SUPT3H: variants seen among roughly 807,000 people sequenced by gnomAD.
SUPT3H encodes the protein SPT3 homolog, SAGA and STAGA complex component.
In SUPT3H, 44 loss-of-function variants were observed where a neutral mutation model predicts 44.3. The observed-to-expected ratio is 0.99, with a 90% CI of 0.78 to 1.28. The LOEUF (loss-of-function observed/expected upper bound fraction) is 1.28, where lower values mean the gene tolerates loss of function less well. Ranked by LOEUF, SUPT3H falls within the 50% of genes most tolerant of loss-of-function variation. The pLI is 0.00. For missense variants in SUPT3H, 380 were observed against 387.1 expected, an observed-to-expected ratio of 0.98 and a Z score of 0.15; for synonymous variants, 124 against 125.6, an observed-to-expected ratio of 0.99 and a Z score of 0.09.
intron 2 of SUPT3H, among the ~76,000 whole-genome samples, chr6:45,232,810 C>A (rs1768307572): frequency 6.6e-6 from 1 of 152,176 alleles, no homozygotes; most frequent in Non-Finnish European, 1.5e-5. Flanking sequence ...CCTTCACACA[C>A]AAACTGAAGA....
chr6:45,090,985 A>C (rs1797059709), intron 3 of SUPT3H, among the ~76,000 whole-genome samples: 1 of 151,980 alleles, frequency 6.6e-6, no homozygotes, highest in Admixed American at 6.5e-5. Flanking sequence ...CTTAAAGCTT[A>C]TTACCAAAGC....
intron 10 of SUPT3H, among the ~76,000 whole-genome samples, chr6:44,891,079 G>A (rs1033958512): frequency 6.6e-6 from 1 of 152,018 alleles, no homozygotes; most frequent in Admixed American, 6.6e-5. Flanking sequence ...GTATACCTAT[G>A]TAACAAACCT....
intron 3 of SUPT3H, among the ~76,000 whole-genome samples, chr6:45,073,111 T>C (rs1032388376): frequency 1.2e-4 from 18 of 152,108 alleles, no homozygotes; most frequent in African/African-American, 4.3e-4. Flanking sequence ...AAGATTTTGG[T>C]TGATACTTTG....
At chr6:44,880,513 T>C (rs902452662) in intron 10 of SUPT3H, among the ~76,000 whole-genome samples, 1 of 152,110 alleles carries the variant, frequency 6.6e-6, no homozygotes, top group Non-Finnish European at 1.5e-5. Context: ...TGCAGGATAT[T>C]ATCCAGGAGA....
Position 45,162,225 on chromosome 6 carries a change from AAAG to A in SUPT3H, c.102-56222_102-56220del, listed in dbSNP as rs139564646. ...TACAAATTAATGAGACTCATTAAAA[AAAG>A]AAGAAGAAGAAGAAGAAAGAGCCAG... On this transcript the variant is annotated intron_variant, in intron 2 of 10. Coordinates refer to ENST00000371459, the MANE Select transcript of SUPT3H (RefSeq NM_003599.4). 6.8e-3 allele frequency among the ~76,000 whole-genome samples: 1,040 copies of A among 152,058 alleles called. 18 individuals are homozygous for A. The highest frequency in any genetic ancestry group is 0.023 in the African/African-American group (967 of 41,472).
At chr6:45,086,895 G>A (rs1796538175) in intron 3 of SUPT3H, among the ~76,000 whole-genome samples, 2 of 151,740 alleles carry the variant, frequency 1.3e-5, no homozygotes, top group African/African-American at 2.4e-5. Context: ...TGTAAGAAAC[G>A]GAAAAATATT....
chr6:45,251,335 T>G (rs1328804785), intron 2 of SUPT3H, among the ~76,000 whole-genome samples: 1 of 151,938 alleles, frequency 6.6e-6, no homozygotes, highest in African/African-American at 2.4e-5. Flanking sequence ...TAAATTATGT[T>G]TCTCTAAAAC....
At chr6:44,916,037 G>C (rs181259122) in intron 10 of SUPT3H, among the ~76,000 whole-genome samples, 2 of 152,226 alleles carry the variant, frequency 1.3e-5, no homozygotes, top group East Asian at 3.9e-4. Context: ...TGTTATTGCT[G>C]AACAATTTTG....
chr6:44,812,916 C>G lies in SUPT3H; in HGVS notation c.*53-3415G>C, dbSNP rs555709130. Among the ~76,000 whole-genome samples the G allele has an allele frequency of 3.3e-5, 5 of 152,242 alleles. No individual in the cohort carries two copies. In the East Asian group the frequency reaches 9.7e-4, roughly 29 times the overall value. On this transcript the variant is annotated intron_variant and NMD_transcript_variant, in intron 11 of 11. Transcript: ENST00000475057. ...TGCAATTTCCCCTTGAAGCATATGT[C>G]AACTCCAAAGCTGTACATATGGTGG...
At chr6:44,866,917 C>T (rs1775596293) in intron 10 of SUPT3H, among the ~76,000 whole-genome samples, 1 of 152,142 alleles carries the variant, frequency 6.6e-6, no homozygotes, top group South Asian at 2.1e-4. Context: ...TTAGTAAAGA[C>T]ATATTCCATA....
intron 10 of SUPT3H, among the ~76,000 whole-genome samples, chr6:44,928,342 A>G (rs1015948102): frequency 1.3e-5 from 2 of 152,188 alleles, no homozygotes; most frequent in Non-Finnish European, 2.9e-5. Context: ...AAGAAAAACA[A>G]ACAAGAAGCA....
At chr6:45,023,775 AGAG>A (rs1785519579) in intron 3 of SUPT3H, among the ~76,000 whole-genome samples, 1 of 152,166 alleles carries the variant, frequency 6.6e-6, no homozygotes, top group East Asian at 1.9e-4. Flanking sequence ...GGAAGGAGGG[AGAG>A]GAGAAGAAAG....
chr6:44,912,465 G>A (rs529349457), intron 10 of SUPT3H, among the ~76,000 whole-genome samples: 2 of 152,204 alleles, frequency 1.3e-5, no homozygotes, highest in East Asian at 1.9e-4. Context: ...ACTATGTTTT[G>A]CATCCCCATT....
At chr6:45,049,708 G>A (rs1039759948) in intron 3 of SUPT3H, among the ~76,000 whole-genome samples, 2 of 151,948 alleles carry the variant, frequency 1.3e-5, no homozygotes, top group Non-Finnish European at 2.9e-5. Flanking sequence ...GAAAGAAAAC[G>A]AAAACAAACA....
intron 10 of SUPT3H, among the ~76,000 whole-genome samples, chr6:44,886,885 G>C (rs1257389943): frequency 6.6e-6 from 1 of 152,168 alleles, no homozygotes; most frequent in Non-Finnish European, 1.5e-5. Context: ...CTCACATGCG[G>C]AGACACACAG....
chr6:44,904,819 GA>G (rs1471886063), intron 10 of SUPT3H, among the ~76,000 whole-genome samples: 1 of 152,154 alleles, frequency 6.6e-6, no homozygotes, highest in Non-Finnish European at 1.5e-5. Flanking sequence ...CACCAAAACA[GA>G]GATATAGACC....
chr6:45,033,055 G>T (rs1372180646), intron 3 of SUPT3H, among the ~76,000 whole-genome samples: 1 of 151,982 alleles, frequency 6.6e-6, no homozygotes, highest in African/African-American at 2.4e-5. Flanking sequence ...ATATAGAGAA[G>T]ATTGTACTAA....
intron 2 of SUPT3H, among the ~76,000 whole-genome samples, chr6:45,193,474 C>A (rs141066874): frequency 1.2e-3 from 176 of 152,162 alleles, no homozygotes; most frequent in African/African-American, 4.0e-3. Context: ...GTATCAAATT[C>A]ACTTTTAAAT....
At chr6:45,062,887 G>A (rs1009758888) in intron 3 of SUPT3H, among the ~76,000 whole-genome samples, 1 of 152,032 alleles carries the variant, frequency 6.6e-6, no homozygotes, top group African/African-American at 2.4e-5. Context: ...CTGGGGGAGG[G>A]GCGCCTGCCA....
Sources: allele counts gnomAD v4.1 joint callset (sites outside exome capture counted in the v4.1 genomes callset), GRCh38; gene constraint gnomAD v4.1.1; transcripts MANE v1.5; gene names NCBI Gene and HGNC (gene_info 2026-07-23, HGNC 2026-07-21).